Variants in LRRC74A observed in about 807,000 individuals in gnomAD.
LRRC74A encodes the protein leucine rich repeat containing 74A.
In LRRC74A, 44 loss-of-function variants were observed where a neutral mutation model predicts 57.9. The observed-to-expected ratio is 0.76, with a 90% CI of 0.60 to 0.98. The LOEUF (loss-of-function observed/expected upper bound fraction) is 0.98, where lower values mean the gene tolerates loss of function less well. LRRC74A is among the 50% of genes least tolerant of loss of function. LRRC74A has a pLI of 0.00. For synonymous variants in LRRC74A, 211 were observed against 219.4 expected, an observed-to-expected ratio of 0.96 and a Z score of 0.34; for missense variants, 572 against 574.0, an observed-to-expected ratio of 1.00 and a Z score of 0.04.
rs537665692 is a variant in LRRC74A, at chr14:76,845,332, A to C, written c.676+431A>C. ...GAGAGAGGCCCTGTCTCAAAAGAAGAAGCACAAGAAGAAGGAAAAGAAGAA... is the reference window on the plus strand; with the variant it reads ...GAGAGAGGCCCTGTCTCAAAAGAAGCAGCACAAGAAGAAGGAAAAGAAGAA... On this transcript the variant is annotated intron_variant, in intron 7 of 13. Transcript: ENST00000689127. Among the ~76,000 whole-genome samples, 260 of 151,602 alleles carry C rather than the reference A, an allele frequency of 1.7e-3. 1 individual carries two copies. Among genetic ancestry groups the C allele is most frequent in the African/African-American group, 6.1e-3 (253 of 41,262 alleles).
rs1895733236 is a variant in LRRC74A, at chr14:76,828,415, T to G, written c.162T>G (p.Ile54Met). ...AGAATTCGGAAACAGACCTGGAGAT[T>G]GAAGGCGAGCATGGGCATTTGGGGG... The part of the protein sequence containing the change: ...ARENSETDLE[I>M]EDDEKFFTTG... The change falls in exon 2 of 14, where the codon ATT becomes ATG. Residue 54 changes from isoleucine (I) to methionine (M), a missense_variant. Coordinates refer to ENST00000689127, the MANE Select transcript of LRRC74A (RefSeq NM_001385106.1). 6.2e-7 allele frequency: 1 copy of G among 1,613,978 alleles called. No individual in the cohort carries two copies. The highest frequency in any genetic ancestry group is 8.5e-7 in the Non-Finnish European group (1 of 1,179,866).
intron 10 of LRRC74A, 144 bp from the exon 11 acceptor site, chr14:76,860,549 C>A: frequency 1.5e-6 from 1 of 679,928 alleles, no homozygotes; most frequent in Non-Finnish European, 2.2e-6. Flanking sequence ...CCGAACTATC[C>A]CAGTCCAGGA....
chr14:76,828,044 A>T (rs1188172537), intron 1 of LRRC74A, among the ~76,000 whole-genome samples: 1 of 152,238 alleles, frequency 6.6e-6, no homozygotes, highest in African/African-American at 2.4e-5. Flanking sequence ...GGAAGGGGGA[A>T]GGAGCAGCCG....
chr14:76,833,005 T>C (rs1237781991), intron 3 of LRRC74A, among the ~76,000 whole-genome samples: 1 of 152,186 alleles, frequency 6.6e-6, no homozygotes, highest in Non-Finnish European at 1.5e-5. Flanking sequence ...TGATCAATTT[T>C]ATAAAGTTGA....
At chr14:76,859,662 CTTTT>C (rs1025552496) in intron 10 of LRRC74A, among the ~76,000 whole-genome samples, 1 of 80,898 alleles carries the variant, frequency 1.2e-5, no homozygotes, top group Non-Finnish European at 2.3e-5. Context: ...CTGAATTAGC[CTTTT>C]TTTTTTTTTT....
intron 7 of LRRC74A, among the ~76,000 whole-genome samples, chr14:76,851,374 T>C (rs1262576819): frequency 6.6e-6 from 1 of 152,236 alleles, no homozygotes; most frequent in Non-Finnish European, 1.5e-5. Context: ...TTATTTATTT[T>C]TGAGATGCAG....
intron 2 of LRRC74A, 148 bp downstream of exon 2, chr14:76,828,567 T>C: frequency 7.9e-7 from 1 of 1,261,558 alleles, no homozygotes; most frequent in East Asian, 2.4e-5. Context: ...CCTGCTCGAT[T>C]TTGCCTGGAG....
intron 10 of LRRC74A, among the ~76,000 whole-genome samples, chr14:76,858,237 G>A (rs1898044100): frequency 6.6e-6 from 1 of 152,146 alleles, no homozygotes; most frequent in Non-Finnish European, 1.5e-5. Flanking sequence ...GGTGTCAGCA[G>A]GCCTGATTCC....
chr14:76,858,582 C>T (rs1898067127), intron 10 of LRRC74A, among the ~76,000 whole-genome samples: 1 of 152,072 alleles, frequency 6.6e-6, no homozygotes, highest in African/African-American at 2.4e-5. Context: ...AGTGCTTTTC[C>T]TCATTTTCCC....
Position 76,836,195 on chromosome 14 carries a change from T to G in LRRC74A, c.340-12T>G. On this transcript the variant is annotated splice_polypyrimidine_tract_variant and intron_variant, in intron 3 of 13. Transcript: ENST00000689127. The stretch of plus-strand genomic sequence containing the variant: ...TTCTGTGTCTCTCTCCCTCCCCTTG[T>G]GCTGGCTGAAGTCCAACATGGCTGT... 1 of 1,601,498 alleles carries G rather than the reference T, an allele frequency of 6.2e-7. No homozygotes were observed. The highest frequency in any genetic ancestry group is 1.1e-5 in the South Asian group (1 of 90,354).
intron 2 of LRRC74A, chr14:76,828,755 A>T (rs1440103540): frequency 6.6e-6 from 3 of 455,810 alleles, no homozygotes; most frequent in South Asian, 4.8e-5. Context: ...TAGTCCTAGG[A>T]GGTAGGCATC....
intron 9 of LRRC74A, among the ~76,000 whole-genome samples, chr14:76,856,533 T>C (rs896482528): frequency 1.3e-5 from 2 of 150,782 alleles, no homozygotes; most frequent in Non-Finnish European, 3.0e-5. Context: ...GATGGATGGA[T>C]GGATGGATGG....
intron 12 of LRRC74A, among the ~76,000 whole-genome samples, 168 bp from the exon 13 acceptor site, chr14:76,867,164 GGTGTGTGGTAGTGTGTGTGGGGGA>G (rs1486905813): frequency 4.9e-3 from 16 of 3,272 alleles, no homozygotes; most frequent in Non-Finnish European, 7.5e-3. Context: ...TTGGGGGTGG[GGTGTGTGGTAGTGTGTGTGGGGGA>G]GTGTGTGTGT....
At chr14:76,857,321 C>A in intron 9 of LRRC74A, 59 bp from the exon 10 acceptor site, 1 of 1,086,922 alleles carries the variant, frequency 9.2e-7, no homozygotes, top group Non-Finnish European at 1.4e-6. Flanking sequence ...AGAAACTGTG[C>A]TCTGGGCCAG....
At chr14:76,841,700 C>CT (rs916002154) in intron 5 of LRRC74A, among the ~76,000 whole-genome samples, 14 of 125,380 alleles carry the variant, frequency 1.1e-4, no homozygotes, top group Admixed American at 4.6e-4. Context: ...TTTTTATATT[C>CT]TTTTTTTTTC....
chr14:76,849,346 G>T (rs959267319), intron 7 of LRRC74A, among the ~76,000 whole-genome samples: 3 of 151,584 alleles, frequency 2.0e-5, no homozygotes, highest in African/African-American at 7.3e-5. Context: ...TGGTAGAGAT[G>T]GGTTTTCACC....
chr14:76,868,757 C>G (rs74071014), intron 13 of LRRC74A, among the ~76,000 whole-genome samples: 5,332 of 152,322 alleles, frequency 0.035, 317 homozygotes, highest in African/African-American at 0.12. Flanking sequence ...TTCCTTCGCT[C>G]CACTCAGCGT....
chr14:76,853,082 TG>T, intron 8 of LRRC74A, 133 bp from the exon 9 acceptor site: 1 of 753,608 alleles, frequency 1.3e-6, no homozygotes, highest in Non-Finnish European at 2.2e-6. Context: ...CTGAATGATC[TG>T]GCAGACCCAT....
chr14:76,839,857 A>C (rs948583964), intron 5 of LRRC74A, among the ~76,000 whole-genome samples: 2 of 152,030 alleles, frequency 1.3e-5, no homozygotes, highest in Non-Finnish European at 2.9e-5. Context: ...CAGCCTCCTG[A>C]GTAGCTGGGA....
Sources: gnomAD v4.1 joint callset for allele counts (sites outside exome capture counted in the v4.1 genomes callset) on GRCh38, gnomAD v4.1.1 for gene constraint, MANE v1.5 for transcripts, NCBI Gene and HGNC (gene_info 2026-07-23, HGNC 2026-07-21) for gene names.